The following GNAQ variants were observed in gnomAD, a reference collection of about 807,000 sequenced individuals.
GNAQ encodes the protein guanine nucleotide-binding protein G(q) subunit alpha.
In GNAQ, 8 loss-of-function variants were observed where a neutral mutation model predicts 43.9. The observed-to-expected ratio is 0.18, with a 90% CI of 0.11 to 0.33. GNAQ has a LOEUF of 0.33. Ranked by LOEUF, GNAQ falls within the 10% of genes least tolerant of loss-of-function variation. GNAQ has a pLI of 1.00. For missense variants in GNAQ, 158 were observed against 450.8 expected, an observed-to-expected ratio of 0.35 and a Z score of 5.88; for synonymous variants, 155 against 170.7, an observed-to-expected ratio of 0.91 and a Z score of 0.71.
At chr9:77,908,049 T>A (rs1828740123) in intron 2 of GNAQ, among the ~76,000 whole-genome samples, 1 of 152,160 alleles carries the variant, frequency 6.6e-6, no homozygotes, top group Admixed American at 6.6e-5. Flanking sequence ...TTTAAACATT[T>A]TTCATCTGTA....
chr9:77,801,706 GAACCAAA>G (rs1198191838), intron 3 of GNAQ, among the ~76,000 whole-genome samples: 3 of 152,006 alleles, frequency 2.0e-5, no homozygotes, highest in African/African-American at 7.3e-5. Context: ...ACATCATCTA[GAACCAAA>G]AACCAAACCA....
intron 2 of GNAQ, among the ~76,000 whole-genome samples, chr9:77,880,446 T>C: frequency 6.6e-6 from 1 of 152,084 alleles, no homozygotes; most frequent in East Asian, 1.9e-4. Context: ...AGTGTTGTGA[T>C]CCTAGCTCAC....
In GNAQ at chr9:77,720,313, G is replaced by A. The variant is rs1460649159; in HGVS notation, c.*1010C>T. 1.7e-5 allele frequency: 4 copies of A among 233,220 alleles called. No individual in the cohort carries two copies. The highest frequency in any genetic ancestry group is 2.5e-5 in the Non-Finnish European group (3 of 117,936). The allele number at this position is 233,220 out of a possible 1,614,324, so 14.4% of individuals were successfully genotyped here. On this transcript the variant is annotated 3_prime_UTR_variant, in exon 7 of 7. Transcript: ENST00000286548. ...TCGTATTCATTTTATTTGACAAAAAGCCAGCTTTGGCAACACATACCCATA... is the reference window on the plus strand; with the variant it reads ...TCGTATTCATTTTATTTGACAAAAAACCAGCTTTGGCAACACATACCCATA...
At chr9:77,962,553 A>G (rs1488471709) in intron 1 of GNAQ, among the ~76,000 whole-genome samples, 1 of 152,168 alleles carries the variant, frequency 6.6e-6, no homozygotes, top group African/African-American at 2.4e-5. Context: ...GCTAACACTA[A>G]TTAGAAGAAA....
At chr9:77,766,125 T>C (rs550935698) in intron 5 of GNAQ, among the ~76,000 whole-genome samples, 37 of 152,340 alleles carry the variant, frequency 2.4e-4, no homozygotes, top group African/African-American at 8.4e-4. Flanking sequence ...ATGAAAGTTC[T>C]GACGATCCAT....
At chr9:78,028,062 G>C (rs986416441) in intron 1 of GNAQ, among the ~76,000 whole-genome samples, 1 of 152,064 alleles carries the variant, frequency 6.6e-6, no homozygotes, top group South Asian at 2.1e-4. Context: ...GAATATTCAT[G>C]AAAATTAATC....
chr9:77,781,265 G>GT (rs1393083319), intron 5 of GNAQ, among the ~76,000 whole-genome samples: 3 of 151,858 alleles, frequency 2.0e-5, no homozygotes, highest in Non-Finnish European at 4.4e-5. Context: ...GTTGATTTTC[G>GT]TAAAGGGTGG....
intron 1 of GNAQ, among the ~76,000 whole-genome samples, chr9:77,980,197 T>C (rs1462392377): frequency 1.3e-5 from 2 of 152,130 alleles, no homozygotes; most frequent in Non-Finnish European, 1.5e-5. Flanking sequence ...CAATACCACC[T>C]CCTCTGCAGG....
Position 77,941,907 on chromosome 9 carries a change from T to TACACACAC in GNAQ, c.137-19570_137-19563dup, listed in dbSNP as rs10560776. ...AATGTGCACTTACATACAACATACA[T>TACACACAC]ACACACACACACACACACACACACA... On this transcript the variant is annotated intron_variant, in intron 1 of 6. Transcript: ENST00000286548. 8.9e-3 allele frequency among the ~76,000 whole-genome samples: 1,262 copies of TACACACAC among 141,078 alleles called. 10 individuals are homozygous for TACACACAC. Among genetic ancestry groups the TACACACAC allele is most frequent in the South Asian group, 0.029 (119 of 4,128 alleles). 92.6% of individuals were successfully genotyped at this position (141,078 alleles called of 152,430 possible). A position where few individuals can be genotyped will look rare whatever the true frequency, so the allele number is the denominator to read the frequency against.
At chr9:77,745,956 C>T (rs535769584) in intron 5 of GNAQ, among the ~76,000 whole-genome samples, 5 of 152,102 alleles carry the variant, frequency 3.3e-5, no homozygotes, top group Admixed American at 6.5e-5. Context: ...AAAAGAGATC[C>T]TTCCTTAAAT....
At chr9:77,881,165 A>AATAG (rs1225462688) in intron 2 of GNAQ, among the ~76,000 whole-genome samples, 6 of 152,048 alleles carry the variant, frequency 3.9e-5, no homozygotes, top group Non-Finnish European at 8.8e-5. Flanking sequence ...TTTTCTACAC[A>AATAG]AATTATGTTT....
At chr9:77,773,986 C>A (rs1006502000) in intron 5 of GNAQ, among the ~76,000 whole-genome samples, 6 of 150,074 alleles carry the variant, frequency 4.0e-5, no homozygotes, top group South Asian at 2.1e-4. Context: ...AAGACAAATT[C>A]TTCTTCTTCT....
At chr9:77,755,439 C>T (rs1825886521) in intron 5 of GNAQ, among the ~76,000 whole-genome samples, 1 of 152,118 alleles carries the variant, frequency 6.6e-6, no homozygotes, top group Non-Finnish European at 1.5e-5. Context: ...TTATTACACA[C>T]TGCATGCCTC....
intron 2 of GNAQ, among the ~76,000 whole-genome samples, chr9:77,860,216 T>C (rs1161894957): frequency 2.0e-5 from 3 of 152,182 alleles, no homozygotes; most frequent in African/African-American, 7.2e-5. Context: ...AGCTGGAGCT[T>C]ATGGCTGGGT....
chr9:77,799,390 A>G (rs1025072507), intron 3 of GNAQ, among the ~76,000 whole-genome samples: 3 of 152,190 alleles, frequency 2.0e-5, no homozygotes, highest in East Asian at 1.9e-4. Context: ...CTCAGTGGAC[A>G]TGACCTACCC....
intron 2 of GNAQ, among the ~76,000 whole-genome samples, chr9:77,852,631 G>A (rs577298760): frequency 5.3e-4 from 80 of 152,264 alleles, no homozygotes; most frequent in Non-Finnish European, 1.0e-3. Flanking sequence ...ATGCCTCCCC[G>A]AAAGCATCCC....
intron 1 of GNAQ, among the ~76,000 whole-genome samples, chr9:77,986,496 G>A (rs1235935398): frequency 6.6e-6 from 1 of 152,136 alleles, no homozygotes; most frequent in East Asian, 1.9e-4. Flanking sequence ...TGCAGTGCCT[G>A]TTAAGTTTCT....
intron 1 of GNAQ, chr9:78,030,404 G>A: frequency 2.4e-6 from 1 of 409,252 alleles, no homozygotes; most frequent in Non-Finnish European, 5.2e-6. Flanking sequence ...TCCTTTCGAT[G>A]GTCTGGTGGC....
intron 5 of GNAQ, among the ~76,000 whole-genome samples, chr9:77,765,070 TG>T (rs1475841331): frequency 6.6e-6 from 1 of 152,116 alleles, no homozygotes; most frequent in Non-Finnish European, 1.5e-5. Flanking sequence ...CATGCCATAG[TG>T]AGAGTACCAC....
Sources: gnomAD v4.1 joint callset for allele counts (sites outside exome capture counted in the v4.1 genomes callset) on GRCh38, gnomAD v4.1.1 for gene constraint, MANE v1.5 for transcripts, NCBI Gene and HGNC (gene_info 2026-07-23, HGNC 2026-07-21) for gene names.